Variants in ATG2A observed in about 807,000 individuals in gnomAD.
ATG2A encodes autophagy-related protein 2 homolog A.
ATG2A carries 103 observed loss-of-function variants against 214.2 expected under a neutral mutation model. The observed-to-expected ratio is 0.48, with a 90% confidence interval of 0.41 to 0.57. The LOEUF (loss-of-function observed/expected upper bound fraction) is 0.57, where lower values mean the gene tolerates loss of function less well. Ranked by LOEUF, ATG2A falls within the 20% of genes least tolerant of loss-of-function variation. The pLI is 0.00. For missense variants in ATG2A, 2,312 were observed against 2,613.2 expected (o/e 0.88, Z 2.51); for synonymous variants, 1,160 against 1,142.1 (o/e 1.02, Z -0.32).
intron 19 of ATG2A, 57 bp from the exon 20 acceptor site, chr11:64,906,872 C>T (rs1944572268): frequency 2.6e-6 from 4 of 1,564,090 alleles, no homozygotes; most frequent in South Asian, 2.3e-5. Context: ...CCCTCAAGCC[C>T]TCTGGGGGTT....
chr11:64,911,836 A>C lies in ATG2A; in HGVS notation c.1228+6T>G. 6.2e-7 allele frequency: 1 copy of C among 1,612,396 alleles called. No individual in the cohort carries two copies. Among genetic ancestry groups the C allele is most frequent in the Non-Finnish European group, 8.5e-7 (1 of 1,179,846 alleles). On this transcript the variant is annotated splice_donor_region_variant and intron_variant, in intron 9 of 40. Transcript: ENST00000377264. ...CCTGGAGTACCCCCAGGGTGCTCCA[A>C]CTCACCAGCTGGGTGGGCCTGGGCA...
Position 64,897,396 on chromosome 11 carries a change from G to C in ATG2A, c.5150+16C>G, listed in dbSNP as rs768406796. 2 of 1,556,404 alleles carry C rather than the reference G, an allele frequency of 1.3e-6. No individual in the cohort carries two copies. Among genetic ancestry groups the C allele is most frequent in the South Asian group, 2.4e-5 (2 of 84,340 alleles). On this transcript the variant is annotated intron_variant, in intron 37 of 40. Transcript: ENST00000377264. ...ATCAGGGACCCTGGAGAGAGGCTGG[G>C]GTGCTGGGGACTCACCCGTGCCTGC...
chr11:64,913,899 A>G lies in ATG2A; in HGVS notation c.512T>C (p.Phe171Ser). The G allele has an allele frequency of 6.2e-7, 1 of 1,613,996 alleles. No individual in the cohort carries two copies. Among genetic ancestry groups the G allele is most frequent in the South Asian group, 1.1e-5 (1 of 91,074 alleles). ...CTCCACCCTCACGACAGTGTCCAGG[A>G]AGGTCACTTTGATCCTCCGAAGCAC... The part of the protein sequence containing the change: ...ETVLRRIKVT[F>S]LDTVVRVEHS... Residue 171 changes from phenylalanine (F) to serine (S), a missense_variant, in exon 4 of 41, where the codon TTC (phenylalanine) becomes TCC (serine). By Grantham distance (155) the Phe-to-Ser change is radical. Coordinates refer to ENST00000377264, the MANE Select transcript of ATG2A (RefSeq NM_015104.3). This position sits in a 1 kb window ranked among gnomAD's most constrained non-coding sequence, Gnocchi z 4.3.
rs1365772989 is a variant in ATG2A at position 64,903,267 on chromosome 11, CAG to C, written c.3612+19_3612+20del. 3 of 1,611,384 alleles carry C rather than the reference CAG, an allele frequency of 1.9e-6. No homozygotes were observed. The highest frequency in any genetic ancestry group is 2.7e-5 in the African/African-American group (2 of 74,872). The stretch of plus-strand genomic sequence containing the variant: ...CTGCACCTGCTGTGGCTCCAGGAGC[CAG>C]AGTGACAGCCTCACTCACCAGTTTG... On this transcript the variant is annotated intron_variant, in intron 26 of 40. Transcript: ENST00000377264. This position sits in a 1 kb window ranked among gnomAD's most constrained non-coding sequence, Gnocchi z 4.2.
intron 31 of ATG2A, among the ~76,000 whole-genome samples, chr11:64,900,013 T>A (rs941877903): frequency 1.4e-5 from 2 of 138,350 alleles, no homozygotes; most frequent in African/African-American, 5.5e-5. Context: ...CACACACCAC[T>A]GCAAATGGTT....
At chr11:64,909,594 G>A in intron 14 of ATG2A, 87 bp downstream of exon 14, 1 of 1,563,696 alleles carries the variant, frequency 6.4e-7, no homozygotes, top group African/African-American at 1.3e-5. Context: ...TGCTCGGGTT[G>A]TGACTGGGCC....
intron 36 of ATG2A, 62 bp downstream of exon 36, chr11:64,897,609 C>G: frequency 6.2e-7 from 1 of 1,610,520 alleles, no homozygotes; most frequent in Non-Finnish European, 8.5e-7. Context: ...AAGACCTGGC[C>G]CCCAGAGGGA....
In ATG2A at chr11:64,913,125, T is replaced by C. The variant is rs1433164952; in HGVS notation, c.738A>G (p.Pro246=). Residue 246 remains proline (P), a synonymous_variant, in exon 6 of 41, where the codon CCA becomes CCG. Coordinates refer to ENST00000377264, the MANE Select transcript of ATG2A (RefSeq NM_015104.3). The surrounding 1 kb of genome is among the most constrained non-coding windows in gnomAD (Gnocchi z 4.3). ...AGCTGCCGATCTGCAAGGGGGGCTC[T>C]GGAGGCTCTTCCTGGGAGACGGGAG... is the stretch of plus-strand genomic sequence containing the variant. ...YEELPAQEEP[P]EPPLQIGSCS... 1.3e-6 allele frequency: 2 copies of C among 1,580,982 alleles called. No homozygotes were observed. Among genetic ancestry groups the C allele is most frequent in the Admixed American group, 3.6e-5 (2 of 56,032 alleles).
At chr11:64,914,585 G>T in intron 1 of ATG2A, 85 bp from the exon 2 acceptor site, 2 of 1,508,706 alleles carry the variant, frequency 1.3e-6, no homozygotes, top group Non-Finnish European at 1.8e-6. Context: ...ATAGTGCCTT[G>T]GAGAGCACCC....
intron 1 of ATG2A, among the ~76,000 whole-genome samples, chr11:64,914,946 G>A (rs373708991): frequency 6.6e-6 from 1 of 151,740 alleles, no homozygotes; most frequent in African/African-American, 2.4e-5. Context: ...AGCCTGGGCC[G>A]TCAGAGGAGG....
Position 64,897,454 on chromosome 11 carries a change from T to C in ATG2A, c.5108A>G (p.Asn1703Ser), listed in dbSNP as rs777248949. The change falls in exon 37 of 41, where the codon AAC (asparagine) becomes AGC (serine). Residue 1703 changes from asparagine to serine, a missense_variant. By Grantham distance (46) the Asn-to-Ser change is conservative. Transcript: ENST00000377264. ...AGLLIGLAQL[N>S]CSELKLKRLC... The stretch of plus-strand genomic sequence containing the variant: ...CCGCTTTAGCTTCAGCTCGGAGCAG[T>C]TGAGTTGGGCCAGGCCGATGAGGAG... 8.9e-6 allele frequency: 14 copies of C among 1,575,414 alleles called. No individual in the cohort carries two copies. Among genetic ancestry groups the C allele is most frequent in the African/African-American group, 2.7e-5 (2 of 74,102 alleles).
intron 24 of ATG2A, among the ~76,000 whole-genome samples, chr11:64,904,029 T>C (rs916824273): frequency 6.6e-6 from 1 of 151,148 alleles, no homozygotes; most frequent in Non-Finnish European, 1.5e-5. Context: ...GCGGATCACC[T>C]GATATCAGGA....
In ATG2A at chr11:64,903,723, C is replaced by T. The variant is rs1044570821; in HGVS notation, c.3465-63G>A. On this transcript the variant is annotated intron_variant, in intron 24 of 40. Transcript: ENST00000377264. The surrounding 1 kb of genome is among the most constrained non-coding windows in gnomAD (Gnocchi z 4.2). ...CTGCAGGGGGCAGCTCCACGGGAGC[C>T]GAGCAGAGGGGTCCCAAGCCCACAG... 10 of 1,482,134 alleles carry T rather than the reference C, an allele frequency of 6.7e-6. No individual in the cohort carries two copies. The highest frequency in any genetic ancestry group is 5.0e-5 in the East Asian group (2 of 40,136). The allele number at this position is 1,482,134 out of a possible 1,614,324, so 91.8% of individuals were successfully genotyped here. A position where few individuals can be genotyped will look rare whatever the true frequency, so the allele number is the denominator to read the frequency against.
chr11:64,908,226 T>C (rs1386627567), intron 16 of ATG2A, among the ~76,000 whole-genome samples: 1 of 152,220 alleles, frequency 6.6e-6, no homozygotes, highest in South Asian at 2.1e-4. Flanking sequence ...GAGACCAGCC[T>C]GGCCAACACG....
chr11:64,909,447 G>T, intron 14 of ATG2A, 80 bp from the exon 15 acceptor site: 1 of 1,480,050 alleles, frequency 6.8e-7, no homozygotes, highest in Non-Finnish European at 9.3e-7. Context: ...TCGGCTCAGA[G>T]CTGTGCCCCC....
Position 64,905,737 on chromosome 11 carries a change from G to A in ATG2A, c.3371+5C>T. 7.4e-6 allele frequency: 12 copies of A among 1,613,916 alleles called. No individual in the cohort carries two copies. The highest frequency in any genetic ancestry group is 1.0e-5 in the Non-Finnish European group (12 of 1,179,984). ...CCCCAGCCCCTGGCCCACCCAGCCT[G>A]GTACCTATAGTCCACAGAGCAGGAG... On this transcript the variant is annotated splice_donor_5th_base_variant and intron_variant, in intron 23 of 40. Coordinates refer to ENST00000377264, the MANE Select transcript of ATG2A (RefSeq NM_015104.3).
intron 6 of ATG2A, chr11:64,912,782 G>T (rs775210923): frequency 8.7e-6 from 4 of 460,040 alleles, no homozygotes; most frequent in African/African-American, 2.0e-5. Context: ...TAGTAGAGAC[G>T]GGGTTTCACC....
chr11:64,899,379 C>A (rs1035811089), intron 31 of ATG2A, among the ~76,000 whole-genome samples: 2 of 152,176 alleles, frequency 1.3e-5, no homozygotes, highest in Admixed American at 1.3e-4. Flanking sequence ...TTCCTTCCCC[C>A]TCTTCCTGCA....
rs550642698 is a variant in ATG2A at position 64,903,151 on chromosome 11, C to G, written c.3612+137G>C. The G allele has an allele frequency of 5.3e-6, 4 of 759,570 alleles. No individual in the cohort carries two copies. The highest frequency in any genetic ancestry group is 1.6e-5 in the South Asian group (1 of 61,068). 47.1% of individuals were successfully genotyped at this position (759,570 alleles called of 1,614,324 possible). On this transcript the variant is annotated intron_variant, in intron 26 of 40. Coordinates refer to ENST00000377264, the MANE Select transcript of ATG2A (RefSeq NM_015104.3). The surrounding 1 kb of genome is among the most constrained non-coding windows in gnomAD (Gnocchi z 4.2). ...GTACTATGGCCCTTTGCAGGAGGGG[C>G]GCTAACTGCAGCCCAGGAAGGGCAG...
Sources: allele counts gnomAD v4.1 joint callset (sites outside exome capture counted in the v4.1 genomes callset), GRCh38; gene constraint gnomAD v4.1.1; non-coding constraint Gnocchi (gnomAD v3.1); transcripts MANE v1.5; gene names NCBI Gene and HGNC (gene_info 2026-07-23, HGNC 2026-07-21).